The following CBFA2T2 variants were observed in gnomAD, a reference collection of about 807,000 sequenced individuals.
CBFA2T2 encodes CBFA2/RUNX1 partner transcriptional co-repressor 2, also known as protein CBFA2T2.
In CBFA2T2, 11 loss-of-function variants were observed where a neutral mutation model predicts 62.2. The ratio of observed to expected loss-of-function variants is 0.18; its 90% confidence interval spans 0.11 to 0.29. The LOEUF is 0.29. Ranked by LOEUF, CBFA2T2 falls within the 10% of genes least tolerant of loss-of-function variation. The pLI, the probability that CBFA2T2 is intolerant of heterozygous loss-of-function variation, is 1.00. For synonymous variants in CBFA2T2, 295 were observed against 287.5 expected, an observed-to-expected ratio of 1.03 and a Z score of -0.27; for missense variants, 592 against 774.1, an observed-to-expected ratio of 0.76 and a Z score of 2.79.
intron 1 of CBFA2T2, among the ~76,000 whole-genome samples, chr20:33,504,651 C>T (rs559244424): frequency 1.3e-5 from 2 of 152,162 alleles, no homozygotes; most frequent in East Asian, 1.9e-4. Context: ...GATCCACCCA[C>T]CTTGGCCTCC....
intron 1 of CBFA2T2, among the ~76,000 whole-genome samples, chr20:33,497,623 C>T (rs2011217882): frequency 6.8e-6 from 1 of 147,208 alleles, no homozygotes; most frequent in Non-Finnish European, 1.5e-5. Context: ...GATCTGGGCT[C>T]ACTACAATCT....
At position 33,605,695 on chromosome 20, in the gene CBFA2T2, A is replaced by G. The variant is rs558522150; in HGVS notation, c.35-1261A>G. 3.9e-5 allele frequency among the ~76,000 whole-genome samples: 6 copies of G among 152,200 alleles called. No homozygotes were observed. The East Asian group carries it at 5.8e-4, about 15-fold the overall frequency. ...TCATGTAGACTCAGCTCTACTTTTC[A>G]TCTTTTTGAACAATGTATAGCATGA... is the stretch of plus-strand genomic sequence containing the variant. On this transcript the variant is annotated intron_variant, in intron 1 of 10. Transcript: ENST00000342704.
At chr20:33,498,604 G>A (rs1600898635) in intron 1 of CBFA2T2, among the ~76,000 whole-genome samples, 2 of 152,182 alleles carry the variant, frequency 1.3e-5, no homozygotes, top group South Asian at 2.1e-4. Context: ...GAGGTTGGGC[G>A]TGATGGTGGT....
chr20:33,552,738 C>T lies in CBFA2T2; in HGVS notation c.35-54218C>T, dbSNP rs560293678. ...ACCCCAGCAAATGTGTGAAATGTCCCCTTGCTTGTCACTCCACTTCATCGT... is the reference window on the plus strand; with the variant it reads ...ACCCCAGCAAATGTGTGAAATGTCCTCTTGCTTGTCACTCCACTTCATCGT... On this transcript the variant is annotated intron_variant, in intron 1 of 10. Transcript: ENST00000342704. Among the ~76,000 whole-genome samples the T allele has an allele frequency of 2.0e-5, 3 of 152,244 alleles. No homozygotes were observed. In the East Asian group the frequency reaches 5.8e-4, roughly 29 times the overall value.
At chr20:33,531,237 T>G (rs922804639) in intron 1 of CBFA2T2, among the ~76,000 whole-genome samples, 6 of 152,168 alleles carry the variant, frequency 3.9e-5, no homozygotes, top group Non-Finnish European at 7.3e-5. Flanking sequence ...AGAGTATGCT[T>G]CTTCAGTCCA....
chr20:33,588,911 C>T (rs1388172128), intron 1 of CBFA2T2, among the ~76,000 whole-genome samples: 2 of 151,932 alleles, frequency 1.3e-5, no homozygotes, highest in Non-Finnish European at 2.9e-5. Flanking sequence ...CACTGCACTC[C>T]AGCCTGGAGG....
intron 1 of CBFA2T2, among the ~76,000 whole-genome samples, chr20:33,563,844 G>A (rs1418878284): frequency 3.9e-5 from 6 of 152,248 alleles, no homozygotes; most frequent in Non-Finnish European, 8.8e-5. Flanking sequence ...GGTCTGGCCT[G>A]TAGTTCTAGT....
intron 7 of CBFA2T2, among the ~76,000 whole-genome samples, chr20:33,629,352 G>A (rs2016365094): frequency 6.6e-6 from 1 of 152,204 alleles, no homozygotes; most frequent in Non-Finnish European, 1.5e-5. Context: ...TGTTAGAAAT[G>A]TGTGTGTGCC....
intron 1 of CBFA2T2, among the ~76,000 whole-genome samples, chr20:33,540,969 A>G (rs1263240444): frequency 6.6e-6 from 1 of 152,188 alleles, no homozygotes; most frequent in African/African-American, 2.4e-5. Flanking sequence ...GTACTAGCTT[A>G]ATGAATTTGG....
intron 1 of CBFA2T2, among the ~76,000 whole-genome samples, chr20:33,523,989 GT>G (rs1253668906): frequency 6.6e-6 from 1 of 151,906 alleles, no homozygotes; most frequent in Non-Finnish European, 1.5e-5. Context: ...CGGCCAGTGT[GT>G]TGTGCTTTTT....
At chr20:33,581,891 A>C (rs766353873) in intron 1 of CBFA2T2, among the ~76,000 whole-genome samples, 3 of 152,176 alleles carry the variant, frequency 2.0e-5, no homozygotes, top group African/African-American at 7.2e-5. Flanking sequence ...TGGCAGAAAC[A>C]TAAGTGTGTG....
At chr20:33,505,697 C>T (rs1275620190) in intron 1 of CBFA2T2, among the ~76,000 whole-genome samples, 2 of 151,964 alleles carry the variant, frequency 1.3e-5, no homozygotes, top group East Asian at 3.9e-4. Flanking sequence ...AGGAGAATTA[C>T]TTGAACCTGG....
At chr20:33,523,995 C>CT (rs200564402) in intron 1 of CBFA2T2, among the ~76,000 whole-genome samples, 26 of 150,866 alleles carry the variant, frequency 1.7e-4, no homozygotes, top group Admixed American at 8.6e-4. Context: ...GTGTGTTGTG[C>CT]TTTTTTTTTA....
chr20:33,517,934 G>A (rs1221555922), intron 1 of CBFA2T2, among the ~76,000 whole-genome samples: 1 of 151,484 alleles, frequency 6.6e-6, no homozygotes, highest in Non-Finnish European at 1.5e-5. Context: ...GTGAGCCACC[G>A]TGCCCAGCTT....
intron 1 of CBFA2T2, among the ~76,000 whole-genome samples, chr20:33,567,827 A>C (rs2013400405): frequency 6.6e-6 from 1 of 150,966 alleles, no homozygotes; most frequent in Non-Finnish European, 1.5e-5. Flanking sequence ...CAGGTGATCT[A>C]CCCGCTTCGG....
intron 1 of CBFA2T2, among the ~76,000 whole-genome samples, chr20:33,579,854 GC>G (rs1449974714): frequency 2.2e-5 from 3 of 138,364 alleles, no homozygotes; most frequent in African/African-American, 8.1e-5. Flanking sequence ...CTCTCTTGTT[GC>G]CCAGGCTGGA....
At chr20:33,572,665 G>A (rs564999109) in intron 1 of CBFA2T2, among the ~76,000 whole-genome samples, 36 of 152,274 alleles carry the variant, frequency 2.4e-4, no homozygotes, top group South Asian at 8.3e-4. Context: ...ATAGAAAAAT[G>A]GCCGATGTAG....
intron 1 of CBFA2T2, among the ~76,000 whole-genome samples, chr20:33,503,371 C>T (rs2011332355): frequency 6.7e-6 from 1 of 150,106 alleles, no homozygotes; most frequent in Non-Finnish European, 1.5e-5. Flanking sequence ...TCTCCTGCCT[C>T]AGCCTCCCGA....
intron 1 of CBFA2T2, among the ~76,000 whole-genome samples, chr20:33,526,288 A>G (rs966858925): frequency 6.6e-6 from 1 of 152,296 alleles, no homozygotes; most frequent in South Asian, 2.1e-4. Context: ...AAGTAAATAA[A>G]TAAGGTGTCT....
Sources: allele counts gnomAD v4.1 joint callset (sites outside exome capture counted in the v4.1 genomes callset), GRCh38; gene constraint gnomAD v4.1.1; transcripts MANE v1.5; gene names NCBI Gene and HGNC (gene_info 2026-07-23, HGNC 2026-07-21).